BLK: variants seen among roughly 807,000 people sequenced by gnomAD.
BLK encodes the protein tyrosine-protein kinase Blk.
In BLK, 64 loss-of-function variants were observed where a neutral mutation model predicts 61.8. The ratio of observed to expected loss-of-function variants is 1.03; its 90% CI spans 0.85 to 1.27. The LOEUF (loss-of-function observed/expected upper bound fraction) is 1.27, where lower values mean the gene tolerates loss of function less well. Among genes scored for constraint, BLK ranks in the 50% most tolerant of loss-of-function variants. The pLI, the probability that BLK is intolerant of heterozygous loss-of-function variation, is 0.00. For synonymous variants in BLK, 351 were observed against 272.0 expected (o/e 1.29, Z -2.86); for missense variants, 853 against 660.5 (o/e 1.29, Z -3.19).
At chr8:11,502,208 C>A (rs1798589324) in intron 1 of BLK, among the ~76,000 whole-genome samples, 1 of 152,022 alleles carries the variant, frequency 6.6e-6, no homozygotes, top group Non-Finnish European at 1.5e-5. Flanking sequence ...GTATTTATAA[C>A]CTTTGTTTTA....
intron 1 of BLK, among the ~76,000 whole-genome samples, chr8:11,496,664 T>TA (rs781581634): frequency 3.9e-5 from 6 of 152,016 alleles, no homozygotes; most frequent in Non-Finnish European, 7.4e-5. Flanking sequence ...CAGGCCCAGC[T>TA]ACCCAGACCT....
intron 1 of BLK, among the ~76,000 whole-genome samples, chr8:11,524,441 C>T (rs921765994): frequency 6.6e-6 from 1 of 152,120 alleles, no homozygotes; most frequent in African/African-American, 2.4e-5. Flanking sequence ...AAGTAAAAGA[C>T]CACTTTTTTG....
rs764499421 is a variant in BLK, at chr8:11,550,220, A to C, written c.430A>C (p.Lys144Gln). Reference protein sequence around the residue: ...AERQLLAPINKAGSFLIRESE... With the variant: ...AERQLLAPINQAGSFLIRESE... ...GAGGCAGCTTCTTGCTCCAATCAAC[A>C]AGGCCGGCTCCTTTCTTATCAGAGA... Residue 144 changes from lysine to glutamine, a missense_variant, in exon 6 of 13, where the codon AAG becomes CAG. Lys to Gln is a moderately conservative substitution (Grantham distance 53). Coordinates refer to ENST00000259089, the MANE Select transcript of BLK (RefSeq NM_001715.3). The C allele has an allele frequency of 3.1e-6, 5 of 1,613,986 alleles. No homozygotes were observed. The South Asian group carries it at 5.5e-5, about 18-fold the overall frequency.
At chr8:11,545,288 C>T (rs1800578987) in intron 2 of BLK, among the ~76,000 whole-genome samples, 1 of 152,224 alleles carries the variant, frequency 6.6e-6, no homozygotes, top group South Asian at 2.1e-4. Flanking sequence ...ATGGCTCACG[C>T]CTGTAATCCC....
chr8:11,550,330 G>C (rs771805021), intron 6 of BLK, 68 bp downstream of exon 6: 93 of 1,450,082 alleles, frequency 6.4e-5, no homozygotes, highest in Non-Finnish European at 8.8e-5. Context: ...CAGAGGCCTG[G>C]CCCTGGAGTG....
chr8:11,546,020 G>A (rs776158048), intron 2 of BLK, 32 bp from the exon 3 acceptor site: 1 of 1,612,786 alleles, frequency 6.2e-7, no homozygotes. Flanking sequence ...AGCAGGGACT[G>A]AAATAACTCA....
intron 1 of BLK, among the ~76,000 whole-genome samples, chr8:11,528,740 T>C (rs567030295): frequency 6.6e-4 from 101 of 152,188 alleles, no homozygotes; most frequent in African/African-American, 2.2e-3. Context: ...ACAGATTTAG[T>C]ACAGCATTTA....
chr8:11,560,083 A>G, intron 10 of BLK: 1 of 274,994 alleles, frequency 3.6e-6, no homozygotes, highest in South Asian at 3.6e-5. Flanking sequence ...TTAGTAAATG[A>G]GTATTGATTG....
chr8:11,556,273 C>T (rs1801218164), intron 8 of BLK: 1 of 324,856 alleles, frequency 3.1e-6, no homozygotes, highest in South Asian at 2.9e-5. Flanking sequence ...CCCCATGCGT[C>T]ATCCTCCTGC....
intron 1 of BLK, among the ~76,000 whole-genome samples, chr8:11,504,465 G>A (rs1266609051): frequency 6.6e-6 from 1 of 152,100 alleles, no homozygotes; most frequent in Non-Finnish European, 1.5e-5. Context: ...CCCCTTTGTG[G>A]CCAAGGAAAG....
chr8:11,533,988 C>T (rs1055116675), intron 1 of BLK, among the ~76,000 whole-genome samples: 4 of 152,214 alleles, frequency 2.6e-5, no homozygotes, highest in Non-Finnish European at 5.9e-5. Context: ...AAGTCATGAT[C>T]CAGAAGCTCG....
chr8:11,545,963 C>G, intron 2 of BLK, 89 bp from the exon 3 acceptor site: 2 of 1,402,632 alleles, frequency 1.4e-6, no homozygotes, highest in Non-Finnish European at 2.0e-6. Flanking sequence ...CTGGAGATAC[C>G]CTGGCTGCCC....
At chr8:11,547,967 C>A (rs2117480892) in intron 3 of BLK, 65 bp from the exon 4 acceptor site, 1 of 1,390,450 alleles carries the variant, frequency 7.2e-7, no homozygotes, top group Non-Finnish European at 1.0e-6. Flanking sequence ...TAGCCAGGCT[C>A]ACCCCAGCCC....
intron 1 of BLK, among the ~76,000 whole-genome samples, chr8:11,510,413 T>G (rs996954301): frequency 8.5e-5 from 13 of 152,140 alleles, no homozygotes; most frequent in Non-Finnish European, 1.9e-4. Flanking sequence ...TTTGGGTACA[T>G]TTGTCCCATC....
Position 11,513,916 on chromosome 8 carries a change from G to A in BLK, c.-2+19325G>A, listed in dbSNP as rs138362176. On this transcript the variant is annotated intron_variant, in intron 1 of 12. Coordinates refer to ENST00000259089, the MANE Select transcript of BLK (RefSeq NM_001715.3). ...GTGGATTCAGAGTCTCCCATCACTC[G>A]GAGAAGCCTGCACCTTGGAAATAAT... 1.1e-3 allele frequency among the ~76,000 whole-genome samples: 165 copies of A among 152,314 alleles called. 3 individuals are homozygous for A. In the East Asian group the frequency reaches 0.028, roughly 26 times the overall value.
At chr8:11,506,759 G>A (rs1254416486) in intron 1 of BLK, among the ~76,000 whole-genome samples, 1 of 152,124 alleles carries the variant, frequency 6.6e-6, no homozygotes, top group Non-Finnish European at 1.5e-5. Context: ...TCTGACCCTG[G>A]CCAAGCCCCC....
At chr8:11,498,590 G>A (rs549936173) in intron 1 of BLK, among the ~76,000 whole-genome samples, 201 of 152,302 alleles carry the variant, frequency 1.3e-3, no homozygotes, top group African/African-American at 4.6e-3. Flanking sequence ...GAGTGGTCTC[G>A]TCCTGCAGTG....
At chr8:11,563,778 TG>T in intron 12 of BLK, 124 bp from the exon 13 acceptor site, 1 of 888,356 alleles carries the variant, frequency 1.1e-6, no homozygotes, top group Non-Finnish European at 1.7e-6. Flanking sequence ...GCTGGAGAAG[TG>T]GTCTGGGACT....
At chr8:11,557,166 G>T (rs1212049497) in intron 9 of BLK, among the ~76,000 whole-genome samples, 1 of 152,198 alleles carries the variant, frequency 6.6e-6, no homozygotes, top group Non-Finnish European at 1.5e-5. Flanking sequence ...CACCAGGCCA[G>T]GCATGCAGGG....
Sources: gnomAD v4.1 joint callset for allele counts (sites outside exome capture counted in the v4.1 genomes callset) on GRCh38, gnomAD v4.1.1 for gene constraint, MANE v1.5 for transcripts, NCBI Gene and HGNC (gene_info 2026-07-23, HGNC 2026-07-21) for gene names.